Variants in BRI3BP observed in about 807,000 individuals in gnomAD.
The protein encoded by BRI3BP is BRI3-binding protein.
BRI3BP carries 7 observed loss-of-function variants against 15.8 expected under a neutral mutation model. That is an observed-to-expected ratio of 0.44 (90% CI 0.25 to 0.83). The LOEUF is 0.83. BRI3BP is among the 40% of genes least tolerant of loss of function. The pLI, the probability that BRI3BP is intolerant of heterozygous loss-of-function variation, is 0.20. For missense variants in BRI3BP, 320 were observed against 339.3 expected, an observed-to-expected ratio of 0.94 and a Z score of 0.45; for synonymous variants, 192 against 163.5, an observed-to-expected ratio of 1.17 and a Z score of -1.33.
At chr12:125,014,918 C>T (rs6488974) in intron 2 of BRI3BP, among the ~76,000 whole-genome samples, 42,562 of 152,066 alleles carry the variant, frequency 0.28, 6,548 homozygotes, top group South Asian at 0.46. Flanking sequence ...AGGCCCATGC[C>T]ACCACACCTG....
At chr12:125,042,442 G>C in the BRI3BP span, among the ~76,000 whole-genome samples, 1 of 149,968 alleles carries the variant, frequency 6.7e-6, no homozygotes, top group Non-Finnish European at 1.5e-5. Flanking sequence ...GTTCATTTTT[G>C]CCTCTAATTC....
rs752859936 is a variant in BRI3BP, at chr12:125,025,269, G to C, written c.595G>C (p.Gly199Arg). The C allele has an allele frequency of 2.5e-6, 4 of 1,614,022 alleles. No homozygotes were observed. The highest frequency in any genetic ancestry group is 2.5e-6 in the Non-Finnish European group (3 of 1,180,032). Residue 199 changes from glycine (G) to arginine (R), a missense_variant, in exon 3 of 3, where the codon GGG (glycine) becomes CGG (arginine). Physicochemically the swap from Gly to Arg is moderately radical, Grantham distance 125. Coordinates refer to ENST00000341446, the MANE Select transcript of BRI3BP (RefSeq NM_080626.6). ...CFVVAVYFMT[G>R]PMGFYWRSSP... is the part of the protein sequence containing the mutation. ...CGTGGTGGCCGTCTACTTCATGACC[G>C]GGCCCATGGGCTTCTACTGGCGAAG...
At chr12:124,995,436 G>T (rs1398306193) in intron 1 of BRI3BP, among the ~76,000 whole-genome samples, 1 of 152,112 alleles carries the variant, frequency 6.6e-6, no homozygotes, top group African/African-American at 2.4e-5. Context: ...TTTCACGCAG[G>T]GTGACCACAG....
At chr12:125,047,700 T>C in the BRI3BP span, among the ~76,000 whole-genome samples, 2 of 151,748 alleles carry the variant, frequency 1.3e-5, no homozygotes, top group African/African-American at 4.8e-5. Context: ...TTGATTTTTA[T>C]TTATTTATTT....
At chr12:125,036,591 C>T in the BRI3BP span, among the ~76,000 whole-genome samples, 1 of 152,016 alleles carries the variant, frequency 6.6e-6, no homozygotes, top group South Asian at 2.1e-4. Context: ...ACACAGGGCA[C>T]TATTGGGAGA....
At chr12:125,010,896 C>T (rs1276504659) in intron 1 of BRI3BP, among the ~76,000 whole-genome samples, 1 of 152,016 alleles carries the variant, frequency 6.6e-6, no homozygotes, top group African/African-American at 2.4e-5. Context: ...GAGTTCAAGA[C>T]CAGCCTGGCC....
intron 1 of BRI3BP, among the ~76,000 whole-genome samples, chr12:124,996,754 A>G (rs991837446): frequency 3.1e-4 from 41 of 134,398 alleles, no homozygotes; most frequent in African/African-American, 1.1e-3. Flanking sequence ...AACACCCCAT[A>G]GTCTTTTTTT....
chr12:125,022,971 TTAA>T (rs888736918), intron 2 of BRI3BP, among the ~76,000 whole-genome samples: 4 of 152,216 alleles, frequency 2.6e-5, no homozygotes, highest in Admixed American at 6.5e-5. Context: ...TTCAGAATTT[TTAA>T]TAATTGTTCA....
rs1362479557 is a variant in BRI3BP, at chr12:125,026,386, T to G, written c.*956T>G. On this transcript the variant is annotated 3_prime_UTR_variant, in exon 3 of 3. Transcript: ENST00000341446. ...AAACAAACAGTAGCAGCTAATATTC[T>G]CAAGTATATTGCTGCTTAGAAAGAT... is the stretch of plus-strand genomic sequence containing the variant. 6.6e-6 allele frequency: 1 copy of G among 152,038 alleles called. No individual in the cohort carries two copies. Among genetic ancestry groups the G allele is most frequent in the African/African-American group, 2.4e-5 (1 of 41,392 alleles). The allele number at this position is 152,038 out of a possible 1,614,324, so 9.4% of individuals were successfully genotyped here. A position where few individuals can be genotyped will look rare whatever the true frequency, so the allele number is the denominator to read the frequency against.
chr12:124,999,573 A>G (rs1011869430), intron 1 of BRI3BP, among the ~76,000 whole-genome samples: 1 of 149,730 alleles, frequency 6.7e-6, no homozygotes. Context: ...ACAGGTCTGC[A>G]CCGCCATGCC....
intron 1 of BRI3BP, among the ~76,000 whole-genome samples, chr12:125,009,240 C>G (rs762421390): frequency 3.1e-4 from 47 of 150,514 alleles, no homozygotes; most frequent in Admixed American, 8.0e-4. Context: ...CTTGGCCTCC[C>G]AAAGTGCTGG....
At chr12:125,021,861 A>C (rs1293677237) in intron 2 of BRI3BP, among the ~76,000 whole-genome samples, 1 of 152,122 alleles carries the variant, frequency 6.6e-6, no homozygotes, top group Non-Finnish European at 1.5e-5. Context: ...GGGGATTACA[A>C]TTTGAAATTA....
rs55697100 is a variant in BRI3BP at position 125,008,299 on chromosome 12, CTTTTTTTTTTTTTTT to C, written c.214-4227_214-4213del. On this transcript the variant is annotated intron_variant, in intron 1 of 2. Coordinates refer to ENST00000341446, the MANE Select transcript of BRI3BP (RefSeq NM_080626.6). Reference sequence around the variant, plus strand: ...AGGGGCAGTCACCCTCCTCTTCTTTCTTTTTTTTTTTTTTTTTTTTTTGATTTTTTTGAGACAGAG... The same window carrying C: ...AGGGGCAGTCACCCTCCTCTTCTTTCTTTTTTTGATTTTTTTGAGACAGAG... Among the ~76,000 whole-genome samples, 7 of 99,930 alleles carry C rather than the reference CTTTTTTTTTTTTTTT, an allele frequency of 7.0e-5. No individual in the cohort carries two copies. In the Admixed American group the frequency reaches 8.0e-4, roughly 11 times the overall value. The allele number at this position is 99,930 out of a possible 152,430, so 65.6% of individuals were successfully genotyped here. A position where few individuals can be genotyped will look rare whatever the true frequency, so the allele number is the denominator to read the frequency against.
intron 1 of BRI3BP, among the ~76,000 whole-genome samples, chr12:125,010,295 A>G (rs1955186310): frequency 6.6e-6 from 1 of 152,198 alleles, no homozygotes; most frequent in Non-Finnish European, 1.5e-5. Flanking sequence ...TAATATGCTC[A>G]TGGACACCCA....
intron 2 of BRI3BP, among the ~76,000 whole-genome samples, 165 bp downstream of exon 2, chr12:125,012,801 G>A (rs1199699106): frequency 6.6e-6 from 1 of 152,146 alleles, no homozygotes; most frequent in Non-Finnish European, 1.5e-5. Context: ...ATATAGGCCA[G>A]GCATGGTGGC....
At chr12:125,018,619 G>A (rs991762175) in intron 2 of BRI3BP, among the ~76,000 whole-genome samples, 37 of 151,986 alleles carry the variant, frequency 2.4e-4, no homozygotes, top group African/African-American at 8.9e-4. Context: ...CTGCTGACAC[G>A]CTGTTCACAG....
At chr12:124,998,240 T>C (rs1197705896) in intron 1 of BRI3BP, among the ~76,000 whole-genome samples, 1 of 151,874 alleles carries the variant, frequency 6.6e-6, no homozygotes, top group African/African-American at 2.4e-5. Context: ...TGCGGTGAGG[T>C]TGAGTCGCCC....
chr12:125,050,422 G>A, the BRI3BP span, among the ~76,000 whole-genome samples: 1 of 151,554 alleles, frequency 6.6e-6, no homozygotes, highest in South Asian at 2.1e-4. Context: ...AAAGAATCAT[G>A]AAAACAAATA....
downstream of BRI3BP, among the ~76,000 whole-genome samples, chr12:125,035,341 T>G (rs1028763959): frequency 1.3e-5 from 2 of 152,170 alleles, no homozygotes; most frequent in Non-Finnish European, 2.9e-5. Context: ...TCACCGACAG[T>G]TGGTATGATC....
Sources: gnomAD v4.1 joint callset for allele counts (sites outside exome capture counted in the v4.1 genomes callset) on GRCh38, gnomAD v4.1.1 for gene constraint, MANE v1.5 for transcripts, NCBI Gene and HGNC (gene_info 2026-07-23, HGNC 2026-07-21) for gene names.